PSD3: variants seen among roughly 807,000 people sequenced by gnomAD.
PSD3 encodes PH and SEC7 domain-containing protein 3.
Under a neutral mutation model 105.5 loss-of-function variants are expected in PSD3, and 49 were observed. That is an observed-to-expected ratio of 0.46 (90% confidence interval 0.37 to 0.59). The LOEUF is 0.59. Ranked by LOEUF, PSD3 falls within the 20% of genes least tolerant of loss-of-function variation. PSD3 has a pLI of 0.00. For synonymous variants in PSD3, 557 were observed against 457.8 expected, an observed-to-expected ratio of 1.22 and a Z score of -2.77; for missense variants, 1,561 against 1,263.8, an observed-to-expected ratio of 1.24 and a Z score of -3.57.
chr8:18,636,143 G>A (rs751084175), intron 10 of PSD3, among the ~76,000 whole-genome samples: 3 of 152,128 alleles, frequency 2.0e-5, no homozygotes, highest in African/African-American at 2.4e-5. Flanking sequence ...TACATGAGGC[G>A]AAAGACAGTG....
intron 9 of PSD3, among the ~76,000 whole-genome samples, chr8:18,663,459 T>C (rs1224686309): frequency 1.3e-5 from 2 of 151,220 alleles, no homozygotes; most frequent in Admixed American, 1.3e-4. Flanking sequence ...AAAAACCGAA[T>C]AAAAATGTAA....
chr8:18,648,534 G>A (rs535631677), intron 10 of PSD3, among the ~76,000 whole-genome samples: 22 of 152,280 alleles, frequency 1.4e-4, no homozygotes, highest in Admixed American at 1.4e-3. Context: ...TTATATGTGC[G>A]AGCAAATAAA....
At chr8:19,019,236 A>G (rs1052585556) in intron 1 of PSD3, among the ~76,000 whole-genome samples, 4 of 151,252 alleles carry the variant, frequency 2.6e-5, no homozygotes, top group African/African-American at 9.7e-5. Flanking sequence ...CTTTAAACTT[A>G]AAACTCATCA....
intron 4 of PSD3, among the ~76,000 whole-genome samples, chr8:18,851,784 T>C (rs1815592338): frequency 6.6e-6 from 1 of 152,124 alleles, no homozygotes; most frequent in African/African-American, 2.4e-5. Flanking sequence ...TCAAATCAGC[T>C]CCCAAAGAGC....
chr8:19,008,843 C>T (rs1009280397), intron 1 of PSD3, among the ~76,000 whole-genome samples: 2 of 152,146 alleles, frequency 1.3e-5, no homozygotes, highest in Non-Finnish European at 2.9e-5. Context: ...TCGGCTCATT[C>T]CCCATCCTCC....
At chr8:18,593,248 G>C (rs1585328053) in intron 12 of PSD3, among the ~76,000 whole-genome samples, 1 of 152,114 alleles carries the variant, frequency 6.6e-6, no homozygotes, top group Admixed American at 6.6e-5. Context: ...AATATCCAGA[G>C]TCTACAATGA....
At chr8:18,563,772 G>T (rs773481666) in intron 14 of PSD3, among the ~76,000 whole-genome samples, 1 of 152,180 alleles carries the variant, frequency 6.6e-6, no homozygotes, top group Non-Finnish European at 1.5e-5. Context: ...CCACATCAAA[G>T]AGTTTGAATG....
chr8:18,547,709 T>G (rs1411018804), intron 15 of PSD3, among the ~76,000 whole-genome samples: 1 of 152,230 alleles, frequency 6.6e-6, no homozygotes, highest in East Asian at 1.9e-4. Flanking sequence ...TCCCTTTCTT[T>G]CCTGCTTTCA....
chr8:18,590,968 T>C (rs1803559291), intron 12 of PSD3, among the ~76,000 whole-genome samples: 1 of 152,150 alleles, frequency 6.6e-6, no homozygotes, highest in African/African-American at 2.4e-5. Flanking sequence ...TCCACATAGA[T>C]TTAAACAGTC....
At chr8:18,620,285 A>G (rs1172076250) in intron 11 of PSD3, among the ~76,000 whole-genome samples, 1 of 151,578 alleles carries the variant, frequency 6.6e-6, no homozygotes, top group African/African-American at 2.4e-5. Flanking sequence ...AAATGTATAA[A>G]ACCAAACTGT....
intron 9 of PSD3, among the ~76,000 whole-genome samples, chr8:18,659,219 C>T (rs1809134770): frequency 6.6e-6 from 1 of 152,184 alleles, no homozygotes; most frequent in Non-Finnish European, 1.5e-5. Context: ...TAATTCAGCA[C>T]TACTAGAGAA....
chr8:18,775,844 A>G (rs1808011221), intron 8 of PSD3, among the ~76,000 whole-genome samples: 1 of 152,110 alleles, frequency 6.6e-6, no homozygotes, highest in Non-Finnish European at 1.5e-5. Flanking sequence ...GGGACACCAC[A>G]TCTAAATATT....
intron 8 of PSD3, among the ~76,000 whole-genome samples, chr8:18,778,519 T>C (rs939181553): frequency 3.3e-5 from 5 of 152,132 alleles, no homozygotes; most frequent in African/African-American, 4.8e-5. Context: ...AAGGTGAGCA[T>C]CCTTATCTTG....
chr8:18,586,643 C>T (rs777702256), intron 12 of PSD3, among the ~76,000 whole-genome samples: 2 of 152,070 alleles, frequency 1.3e-5, no homozygotes, highest in Non-Finnish European at 2.9e-5. Context: ...TCCGGAATGG[C>T]TGGAATTGCC....
At chr8:18,621,595 C>T (rs1806112767) in intron 11 of PSD3, among the ~76,000 whole-genome samples, 2 of 152,096 alleles carry the variant, frequency 1.3e-5, no homozygotes, top group Admixed American at 1.3e-4. Context: ...AGCCAATATT[C>T]CATTAAAACT....
rs553253364 is a variant in PSD3 at position 19,073,278 on chromosome 8, C to T, written c.324+10928G>A. Among the ~76,000 whole-genome samples the T allele has an allele frequency of 7.2e-5, 11 of 152,154 alleles. No homozygotes were observed. The South Asian group carries it at 2.1e-3, about 29-fold the overall frequency. The stretch of plus-strand genomic sequence containing the variant: ...TGATTAAGACAGGCCTGGCAGGGCA[C>T]GGTGGCTCACACCTGTAATCCCAGT... On this transcript the variant is annotated intron_variant, in intron 1 of 1. Transcript: ENST00000521475.
chr8:18,909,130 T>A (rs560027382), intron 2 of PSD3, among the ~76,000 whole-genome samples: 1 of 152,206 alleles, frequency 6.6e-6, no homozygotes, highest in African/African-American at 2.4e-5. Flanking sequence ...AAAGGGCAAA[T>A]ACTCTAAGTT....
At position 18,535,537 on chromosome 8, in the gene PSD3, T is replaced by A. The variant is rs576214381; in HGVS notation, c.*206A>T. 1.8e-6 allele frequency: 1 copy of A among 568,962 alleles called. No homozygotes were observed. Among genetic ancestry groups the A allele is most frequent in the East Asian group, 2.9e-5 (1 of 34,734 alleles). 35.2% of individuals were successfully genotyped at this position (568,962 alleles called of 1,614,324 possible). ...CCTCACAGAAAAGGTGCATTAGCTATCAAGTTGCAAAAATCATCAAAGCAA... is the reference window on the plus strand; with the variant it reads ...CCTCACAGAAAAGGTGCATTAGCTAACAAGTTGCAAAAATCATCAAAGCAA... On this transcript the variant is annotated 3_prime_UTR_variant, in exon 16 of 16. Transcript: ENST00000327040.
intron 4 of PSD3, among the ~76,000 whole-genome samples, chr8:18,812,807 C>T (rs1443183050): frequency 6.6e-6 from 1 of 152,174 alleles, no homozygotes; most frequent in Admixed American, 6.5e-5. Context: ...TTCTCAGTCG[C>T]TGGCCTGCGG....
Sources: allele counts gnomAD v4.1 joint callset (sites outside exome capture counted in the v4.1 genomes callset), GRCh38; gene constraint gnomAD v4.1.1; transcripts MANE v1.5; gene names NCBI Gene and HGNC (gene_info 2026-07-23, HGNC 2026-07-21).